Variants in EXOC2 observed in about 807,000 individuals in gnomAD.
The protein encoded by EXOC2 is SEC5-like 1.
A neutral mutation model predicts 131.8 loss-of-function variants in EXOC2; 70 were observed. The observed-to-expected ratio is 0.53, with a 90% CI of 0.44 to 0.65. EXOC2 has a LOEUF of 0.65. Ranked by LOEUF, EXOC2 falls within the 30% of genes least tolerant of loss-of-function variation. The probability of loss-of-function intolerance (pLI) is 0.00; values close to 1 mark genes in which losing one functional copy is unlikely to be tolerated. For missense variants in EXOC2, 923 were observed against 1,108.6 expected, an observed-to-expected ratio of 0.83 and a Z score of 2.38; for synonymous variants, 411 against 398.4, an observed-to-expected ratio of 1.03 and a Z score of -0.38.
In EXOC2 at chr6:632,994, C is replaced by T; in HGVS notation, c.242G>A (p.Gly81Asp). Residue 81 changes from glycine (G) to aspartate (D), a missense_variant, in exon 3 of 28, where the codon GGT (glycine) becomes GAT (aspartate). Coordinates refer to ENST00000230449, the MANE Select transcript of EXOC2 (RefSeq NM_018303.6). ...KGDIIVTTKS[G>D]GRGTSTVSFK... ...AGAGACTGTTGAGGTTCCTCTGCCA[C>T]CTGACTTAGTGGTGACAATAATGTC... 6.2e-7 allele frequency: 1 copy of T among 1,614,172 alleles called. No individual in the cohort carries two copies. The highest frequency in any genetic ancestry group is 8.5e-7 in the Non-Finnish European group (1 of 1,180,032).
At chr6:499,609 A>C in intron 24 of EXOC2, 36 bp downstream of exon 24, 1 of 1,551,618 alleles carries the variant, frequency 6.4e-7, no homozygotes, top group Non-Finnish European at 8.8e-7. Context: ...TTTTTTGGTT[A>C]TCCATATCTC....
intron 23 of EXOC2, among the ~76,000 whole-genome samples, chr6:509,720 G>A (rs1316023143): frequency 6.6e-6 from 1 of 152,170 alleles, no homozygotes; most frequent in Non-Finnish European, 1.5e-5. Flanking sequence ...TACCAAGAAT[G>A]CAAACTTTTC....
At chr6:568,182 TTC>T (rs1418004990) in intron 13 of EXOC2, among the ~76,000 whole-genome samples, 5 of 152,168 alleles carry the variant, frequency 3.3e-5, no homozygotes, top group African/African-American at 1.2e-4. Context: ...TGTGAGGTGT[TTC>T]TGGATAGATT....
At chr6:571,974 A>G (rs941435339) in intron 13 of EXOC2, among the ~76,000 whole-genome samples, 1 of 152,250 alleles carries the variant, frequency 6.6e-6, no homozygotes, top group Non-Finnish European at 1.5e-5. Context: ...ATGATGATGA[A>G]GATACTAAAG....
rs142095700 is a variant in EXOC2 at position 512,508 on chromosome 6, T to C, written c.2381-12808A>G. Among the ~76,000 whole-genome samples the C allele has an allele frequency of 4.9e-3, 750 of 152,230 alleles. 7 individuals carry two copies. The highest frequency in any genetic ancestry group is 0.017 in the African/African-American group (710 of 41,472). On this transcript the variant is annotated intron_variant, in intron 23 of 27. Coordinates refer to ENST00000230449, the MANE Select transcript of EXOC2 (RefSeq NM_018303.6). ...TATACGTAAAATATGTAACAGACTGTTTATGTTATTAATAAGTCATCTGGG... is the reference window on the plus strand; with the variant it reads ...TATACGTAAAATATGTAACAGACTGCTTATGTTATTAATAAGTCATCTGGG...
At chr6:636,352 T>C (rs368238124) in intron 2 of EXOC2, among the ~76,000 whole-genome samples, 1 of 152,244 alleles carries the variant, frequency 6.6e-6, no homozygotes, top group Admixed American at 6.5e-5. Flanking sequence ...ATTGAAGTGA[T>C]GTTTACTAAA....
chr6:620,609 G>C (rs746609474), intron 4 of EXOC2, among the ~76,000 whole-genome samples: 1 of 152,128 alleles, frequency 6.6e-6, no homozygotes. Flanking sequence ...TTTTAATGTG[G>C]GTAGGTCCGA....
In EXOC2 at chr6:590,109, T is replaced by C. The variant is rs910227693; in HGVS notation, c.1192+2360A>G. Among the ~76,000 whole-genome samples, 12 of 105,052 alleles carry C rather than the reference T, an allele frequency of 1.1e-4. No homozygotes were observed. In the South Asian group the frequency reaches 2.5e-3, roughly 22 times the overall value. 68.9% of individuals were successfully genotyped at this position (105,052 alleles called of 152,430 possible). ...CAGCCTGGGCGACAAAGCGAGACTC[T>C]GTCTGGAAAAAAAAAAAAAAAATCC... On this transcript the variant is annotated intron_variant, in intron 11 of 27. Transcript: ENST00000230449.
In EXOC2 at chr6:617,698, AG is replaced by A. The variant is rs1201565428; in HGVS notation, c.661+12del. On this transcript the variant is annotated intron_variant, in intron 6 of 27. Transcript: ENST00000230449. ...CGGAAGCTGCCAGCAGATGGCTCTG[AG>A]GATCGCCTTACCTGAGAGGGCATCC... The A allele has an allele frequency of 6.2e-7, 1 of 1,609,252 alleles. No homozygotes were observed. The highest frequency in any genetic ancestry group is 2.2e-5 in the East Asian group (1 of 44,754).
chr6:572,623 T>G lies in EXOC2; in HGVS notation c.1340A>C (p.His447Pro), dbSNP rs1261630568. ...RDDTWRYKTP[H>P]RVAFVEKLTK... ...CAATTTTTCAACAAAGGCCACCCTG[T>G]GGGGAGTTTTGTATCTCCACGCTAA... is the stretch of plus-strand genomic sequence containing the variant. Residue 447 changes from histidine to proline, a missense_variant, in exon 13 of 28, where the codon CAC (histidine) becomes CCC (proline). Physicochemically the swap from His to Pro is moderately conservative, Grantham distance 77. Coordinates refer to ENST00000230449, the MANE Select transcript of EXOC2 (RefSeq NM_018303.6). The G allele has an allele frequency of 6.2e-7, 1 of 1,613,844 alleles. No individual in the cohort carries two copies. Among genetic ancestry groups the G allele is most frequent in the Non-Finnish European group, 8.5e-7 (1 of 1,179,972 alleles).
chr6:655,589 T>C (rs1401232432), intron 1 of EXOC2, among the ~76,000 whole-genome samples: 1 of 152,200 alleles, frequency 6.6e-6, no homozygotes, highest in Non-Finnish European at 1.5e-5. Flanking sequence ...CTAAAAACCA[T>C]GTACACTGAT....
chr6:686,227 G>T (rs879591240), intron 1 of EXOC2, among the ~76,000 whole-genome samples: 5 of 151,602 alleles, frequency 3.3e-5, no homozygotes, highest in Non-Finnish European at 5.9e-5. Flanking sequence ...CTCCCAAAGT[G>T]CTGGGATTAC....
chr6:535,467 T>G (rs927720315), intron 22 of EXOC2, among the ~76,000 whole-genome samples: 1 of 152,056 alleles, frequency 6.6e-6, no homozygotes, highest in African/African-American at 2.4e-5. Context: ...ACCCACATAT[T>G]GCCAAGAACA....
At chr6:638,145 G>A (rs771487745) in intron 1 of EXOC2, among the ~76,000 whole-genome samples, 1 of 152,126 alleles carries the variant, frequency 6.6e-6, no homozygotes, top group African/African-American at 2.4e-5. Context: ...ATGTCACCAC[G>A]TAGCTCCATG....
chr6:614,575 C>T (rs945218219), intron 6 of EXOC2, among the ~76,000 whole-genome samples: 3 of 152,148 alleles, frequency 2.0e-5, no homozygotes, highest in African/African-American at 4.8e-5. Context: ...TAGCAAAACA[C>T]CAAACTGAGG....
chr6:505,135 G>C (rs1216586996), intron 23 of EXOC2, among the ~76,000 whole-genome samples: 1 of 150,818 alleles, frequency 6.6e-6, no homozygotes, highest in Non-Finnish European at 1.5e-5. Context: ...ACACAACAAC[G>C]GCAGAAAAAA....
intron 1 of EXOC2, among the ~76,000 whole-genome samples, chr6:681,406 C>T (rs183624526): frequency 1.3e-5 from 2 of 152,270 alleles, no homozygotes; most frequent in East Asian, 1.9e-4. Context: ...CAGAATTACA[C>T]GAAAACCAGA....
intron 1 of EXOC2, among the ~76,000 whole-genome samples, chr6:652,830 C>T (rs1346075266): frequency 6.6e-6 from 1 of 152,150 alleles, no homozygotes; most frequent in Admixed American, 6.5e-5. Flanking sequence ...CTTTACTGTA[C>T]TACTCAGATA....
chr6:551,754 C>T (rs1399701783), intron 21 of EXOC2, among the ~76,000 whole-genome samples: 3 of 152,204 alleles, frequency 2.0e-5, no homozygotes, highest in Non-Finnish European at 4.4e-5. Context: ...GCTCCACAAG[C>T]CCCTCAGCCC....
Sources: gnomAD v4.1 joint callset for allele counts (sites outside exome capture counted in the v4.1 genomes callset) on GRCh38, gnomAD v4.1.1 for gene constraint, MANE v1.5 for transcripts, NCBI Gene and HGNC (gene_info 2026-07-23, HGNC 2026-07-21) for gene names.